The following ADCY5 variants were observed in gnomAD, a reference collection of about 807,000 sequenced individuals.
ADCY5 encodes adenylate cyclase type 5.
A neutral mutation model predicts 119.7 loss-of-function variants in ADCY5; 30 were observed. The observed-to-expected ratio is 0.25, with a 90% CI of 0.19 to 0.34. The LOEUF (loss-of-function observed/expected upper bound fraction) is 0.34, where lower values mean the gene tolerates loss of function less well. Ranked by LOEUF, ADCY5 falls within the 10% of genes least tolerant of loss-of-function variation. ADCY5 has a pLI of 1.00. For missense variants in ADCY5, 1,324 were observed against 1,775.2 expected (o/e 0.75, Z 4.57); for synonymous variants, 753 against 762.2 (o/e 0.99, Z 0.20).
At chr3:123,374,900 A>C (rs1182657966) in intron 1 of ADCY5, among the ~76,000 whole-genome samples, 1 of 152,250 alleles carries the variant, frequency 6.6e-6, no homozygotes, top group Non-Finnish European at 1.5e-5. Context: ...TGAGAAGGAC[A>C]CCAATTATGG....
At chr3:123,339,594 G>C (rs1163502130) in intron 3 of ADCY5, among the ~76,000 whole-genome samples, 1 of 152,180 alleles carries the variant, frequency 6.6e-6, no homozygotes, top group African/African-American at 2.4e-5. Flanking sequence ...CTCTCACAAG[G>C]ACAACAGGAC....
chr3:123,372,501 A>G (rs1296427181), intron 1 of ADCY5, among the ~76,000 whole-genome samples: 1 of 152,200 alleles, frequency 6.6e-6, no homozygotes, highest in East Asian at 1.9e-4. Flanking sequence ...CCCAGAGGGA[A>G]AAAGCCCCGA....
chr3:123,330,671 G>A (rs923596799), intron 5 of ADCY5, among the ~76,000 whole-genome samples: 3 of 152,228 alleles, frequency 2.0e-5, no homozygotes, highest in Non-Finnish European at 4.4e-5. Flanking sequence ...CACTTCCTCT[G>A]GGAAAAGCTG....
intron 1 of ADCY5, among the ~76,000 whole-genome samples, chr3:123,428,469 G>T (rs528836063): frequency 6.6e-6 from 1 of 152,082 alleles, no homozygotes; most frequent in Non-Finnish European, 1.5e-5. Flanking sequence ...CCATCTCCTC[G>T]CTCCCTTGCG....
rs958097189 is a variant in ADCY5, at chr3:123,308,819, ACT to A, written c.2443-4638_2443-4637del. Among the ~76,000 whole-genome samples the A allele has an allele frequency of 1.2e-4, 18 of 152,282 alleles. No homozygotes were observed. In the East Asian group the frequency reaches 1.5e-3, roughly 13 times the overall value. ...ACTCCAGCCTGGGCAACAGAGCGAG[ACT>A]CTGTCTCAAAAACAAACAAACAAAA... On this transcript the variant is annotated intron_variant, in intron 12 of 20. Coordinates refer to ENST00000462833, the MANE Select transcript of ADCY5 (RefSeq NM_183357.3).
intron 1 of ADCY5, among the ~76,000 whole-genome samples, chr3:123,408,427 G>A (rs757945131): frequency 2.7e-5 from 4 of 148,762 alleles, no homozygotes; most frequent in Admixed American, 6.7e-5. Flanking sequence ...GGAGGCCGAG[G>A]TGGGCGGATC....
At chr3:123,396,822 G>GAGAGAGAGAGAGAGAGAGAC (rs1553744381) in intron 1 of ADCY5, among the ~76,000 whole-genome samples, 3,298 of 140,630 alleles carry the variant, frequency 0.023, 270 homozygotes, top group African/African-American at 0.083. Flanking sequence ...AGGCAGGCGA[G>GAGAGAGAGAGAGAGAGAGAC]AGAGAGAGAG....
At chr3:123,414,951 G>C (rs536178763) in intron 1 of ADCY5, among the ~76,000 whole-genome samples, 1 of 152,316 alleles carries the variant, frequency 6.6e-6, no homozygotes, top group South Asian at 2.1e-4. Context: ...AGGTTGCACA[G>C]GTAGTCATAG....
chr3:123,405,317 A>C (rs1944871912), intron 1 of ADCY5, among the ~76,000 whole-genome samples: 1 of 152,246 alleles, frequency 6.6e-6, no homozygotes, highest in Non-Finnish European at 1.5e-5. Flanking sequence ...TCTGAGCACC[A>C]GTCTAGAGCA....
intron 17 of ADCY5, among the ~76,000 whole-genome samples, chr3:123,294,716 A>G (rs1939388753): frequency 6.6e-6 from 1 of 152,216 alleles, no homozygotes; most frequent in African/African-American, 2.4e-5. Flanking sequence ...GCATCGGGAC[A>G]GTCGGCAACA....
At chr3:123,372,619 A>G (rs1411467543) in intron 1 of ADCY5, among the ~76,000 whole-genome samples, 1 of 152,076 alleles carries the variant, frequency 6.6e-6, no homozygotes, top group Non-Finnish European at 1.5e-5. Context: ...AGAAACACAC[A>G]TGCCTGCCTC....
chr3:123,397,492 C>A (rs1944634533), intron 1 of ADCY5, among the ~76,000 whole-genome samples: 1 of 152,212 alleles, frequency 6.6e-6, no homozygotes, highest in African/African-American at 2.4e-5. Flanking sequence ...TTAAAATTAG[C>A]CAGGCAAGGT....
intron 1 of ADCY5, among the ~76,000 whole-genome samples, chr3:123,410,587 T>C (rs186748726): frequency 1.3e-5 from 2 of 152,076 alleles, no homozygotes; most frequent in Non-Finnish European, 2.9e-5. Flanking sequence ...ACAGGACACA[T>C]AAAGGACATA....
In ADCY5 at chr3:123,300,911, T is replaced by C. The variant is rs188293785; in HGVS notation, c.2725-616A>G. ...TGCTACTACTGTGGAAATATGACCA[T>C]TTCATGATCAGACTCCACTGGGGGT... is the stretch of plus-strand genomic sequence containing the variant. On this transcript the variant is annotated intron_variant, in intron 14 of 20. Transcript: ENST00000462833. 7.9e-5 allele frequency among the ~76,000 whole-genome samples: 12 copies of C among 152,306 alleles called. 1 individual carries two copies. In the East Asian group the frequency reaches 2.3e-3, roughly 29 times the overall value.
chr3:123,448,401 A>C lies in ADCY5; in HGVS notation c.145T>G (p.Ser49Ala), dbSNP rs921195392. The change falls in exon 1 of 21, where the codon TCT becomes GCT. Residue 49 changes from serine (S) to alanine (A), a missense_variant. Around this residue, in one of 6 missense-constraint regions of ADCY5, gnomAD observed 585 missense variants for 569.9 expected, o/e 1.03. Coordinates refer to ENST00000462833, the MANE Select transcript of ADCY5 (RefSeq NM_183357.3). ...GGTTTCTTGGTGGAGCCGCGGGCAG[A>C]GCCCCCGGGGGCATGGGGGTAGCCA... Reference protein sequence around the residue: ...ANGYPHAPGGSARGSTKKPGG... With the variant: ...ANGYPHAPGGAARGSTKKPGG... 40 of 1,435,746 alleles carry C rather than the reference A, an allele frequency of 2.8e-5. No homozygotes were observed. The African/African-American group carries it at 5.4e-4, about 19-fold the overall frequency. 88.9% of individuals were successfully genotyped at this position (1,435,746 alleles called of 1,614,324 possible). A position where few individuals can be genotyped will look rare whatever the true frequency, so the allele number is the denominator to read the frequency against.
intron 1 of ADCY5, among the ~76,000 whole-genome samples, chr3:123,412,888 G>A (rs539055482): frequency 1.3e-5 from 2 of 151,920 alleles, no homozygotes; most frequent in Non-Finnish European, 2.9e-5. Flanking sequence ...GTCCAGGAAC[G>A]TGCCTGTCAG....
chr3:123,350,964 G>A (rs1942812763), intron 2 of ADCY5, among the ~76,000 whole-genome samples: 1 of 152,162 alleles, frequency 6.6e-6, no homozygotes, highest in South Asian at 2.1e-4. Flanking sequence ...GGTGAGTGTG[G>A]TGCAGTGTGC....
At chr3:123,328,572 G>T in intron 6 of ADCY5, 72 bp downstream of exon 6, 1 of 1,560,506 alleles carries the variant, frequency 6.4e-7, no homozygotes, top group Non-Finnish European at 8.7e-7. Flanking sequence ...CGCCTCTGCA[G>T]GATGGTCACC....
intron 1 of ADCY5, among the ~76,000 whole-genome samples, chr3:123,355,354 G>T (rs948295990): frequency 1.3e-5 from 2 of 152,146 alleles, no homozygotes; most frequent in Admixed American, 1.3e-4. Flanking sequence ...TTGGCTCTCT[G>T]TATCTACAGG....
Sources: allele counts gnomAD v4.1 joint callset (sites outside exome capture counted in the v4.1 genomes callset), GRCh38; gene constraint gnomAD v4.1.1; regional missense constraint gnomAD v4.1.1; transcripts MANE v1.5; gene names NCBI Gene and HGNC (gene_info 2026-07-23, HGNC 2026-07-21).